STRN3: variants seen among roughly 807,000 people sequenced by gnomAD.
STRN3 encodes the protein striatin 3.
In STRN3, 29 loss-of-function variants were observed where a neutral mutation model predicts 95.6. The observed-to-expected ratio is 0.30, with a 90% confidence interval of 0.23 to 0.41. The LOEUF (loss-of-function observed/expected upper bound fraction) is 0.41. Ranked by LOEUF, STRN3 falls within the 10% of genes least tolerant of loss-of-function variation. STRN3 has a pLI of 1.00. For missense variants in STRN3, 890 were observed against 972.1 expected (o/e 0.92, Z 1.12); for synonymous variants, 331 against 357.6 (o/e 0.93, Z 0.84).
In STRN3 at chr14:31,001,567, A is replaced by G. The variant is rs147189105; in HGVS notation, c.282+24337T>C. ...AAAAAAAAAAAACTGAATGCCCTGA[A>G]TTCACATTTTGAGAAAAGCACCACA... On this transcript the variant is annotated intron_variant, in intron 1 of 17. Coordinates refer to ENST00000357479, the MANE Select transcript of STRN3 (RefSeq NM_001083893.2). 9.9e-5 allele frequency among the ~76,000 whole-genome samples: 15 copies of G among 152,132 alleles called. No homozygotes were observed. The East Asian group carries it at 2.7e-3, about 27-fold the overall frequency.
chr14:30,956,315 A>T, intron 1 of STRN3, 73 bp from the exon 2 acceptor site: 1 of 1,381,182 alleles, frequency 7.2e-7, no homozygotes, highest in East Asian at 2.3e-5. Flanking sequence ...ATGGAAAACG[A>T]TAAACACAAA....
intron 1 of STRN3, among the ~76,000 whole-genome samples, chr14:30,991,264 C>A (rs1881940598): frequency 6.6e-6 from 1 of 152,140 alleles, no homozygotes; most frequent in Non-Finnish European, 1.5e-5. Flanking sequence ...AACTTATGTT[C>A]AACTCTGTAT....
rs555726031 is a variant in STRN3, at chr14:30,914,765, T to C, written c.1241-1108A>G. ...TTGACCACAGAGCTTTAATTTCTGA[T>C]CAGATTTGCCATTTCAATTTCAAAC... On this transcript the variant is annotated intron_variant, in intron 9 of 17. Coordinates refer to ENST00000357479, the MANE Select transcript of STRN3 (RefSeq NM_001083893.2). Among the ~76,000 whole-genome samples, 22 of 152,386 alleles carry C rather than the reference T, an allele frequency of 1.4e-4. No homozygotes were observed. The South Asian group carries it at 3.5e-3, about 24-fold the overall frequency.
At chr14:30,982,195 A>G (rs1344167324) in intron 1 of STRN3, among the ~76,000 whole-genome samples, 1 of 152,056 alleles carries the variant, frequency 6.6e-6, no homozygotes, top group African/African-American at 2.4e-5. Context: ...TCTTCTACTT[A>G]TAATAGATCC....
chr14:30,951,015 A>C, intron 3 of STRN3, 71 bp from the exon 4 acceptor site: 1 of 1,331,088 alleles, frequency 7.5e-7, no homozygotes, highest in East Asian at 2.3e-5. Context: ...AAGTTTTCTT[A>C]GGGATAAATT....
At position 30,895,513 on chromosome 14, in the gene STRN3, G is replaced by C; in HGVS notation, c.2292C>G (p.His764Gln). ...AAATTGATTCATCCAATTTCTTTCT[G>C]TGAGCTGTTATTTCTTGCACACATG... ...SKTCVQEITAHRKKLDESIYD... is the reference protein window; with the variant it reads ...SKTCVQEITAQRKKLDESIYD... Residue 764 changes from histidine to glutamine, a missense_variant, in exon 18 of 18, where the codon CAC becomes CAG. Physicochemically the swap from His to Gln is conservative, Grantham distance 24. Transcript: ENST00000357479. 6.2e-7 allele frequency: 1 copy of C among 1,614,072 alleles called. No homozygotes were observed. The highest frequency in any genetic ancestry group is 8.5e-7 in the Non-Finnish European group (1 of 1,180,006).
At chr14:30,929,409 G>T in intron 7 of STRN3, 98 bp from the exon 8 acceptor site, 1 of 914,410 alleles carries the variant, frequency 1.1e-6, no homozygotes, top group Non-Finnish European at 1.7e-6. Context: ...ATAATAAAAT[G>T]TACTAATAGC....
At chr14:30,973,224 G>T (rs1474280782) in intron 1 of STRN3, among the ~76,000 whole-genome samples, 1 of 151,370 alleles carries the variant, frequency 6.6e-6, no homozygotes, top group Non-Finnish European at 1.5e-5. Context: ...AGCCAGTAGA[G>T]GCAAATAAAG....
chr14:30,957,468 A>AGAG (rs1555320672), intron 1 of STRN3, among the ~76,000 whole-genome samples: 1,598 of 139,042 alleles, frequency 0.011, 22 homozygotes, highest in African/African-American at 0.032. Flanking sequence ...AAAAAAAAAA[A>AGAG]AGAGAGAGAG....
At chr14:31,012,349 T>G (rs1218585310) in intron 1 of STRN3, among the ~76,000 whole-genome samples, 1 of 152,194 alleles carries the variant, frequency 6.6e-6, no homozygotes, top group Non-Finnish European at 1.5e-5. Flanking sequence ...AGTTCAGATT[T>G]AAATGCAAGC....
Position 30,949,467 on chromosome 14 carries a change from C to T in STRN3, c.542+1396G>A, listed in dbSNP as rs1345027131. Among the ~76,000 whole-genome samples the T allele has an allele frequency of 4.6e-5, 7 of 152,048 alleles. No individual in the cohort carries two copies. In the East Asian group the frequency reaches 5.8e-4, roughly 13 times the overall value. The stretch of plus-strand genomic sequence containing the variant: ...TTCTACTAAAAATACAAAAACTAGC[C>T]GGGCATGGTGGCATGCACCTGTAGT... On this transcript the variant is annotated intron_variant, in intron 4 of 17. Coordinates refer to ENST00000357479, the MANE Select transcript of STRN3 (RefSeq NM_001083893.2).
At chr14:30,970,249 T>A (rs1880756835) in intron 1 of STRN3, among the ~76,000 whole-genome samples, 1 of 152,120 alleles carries the variant, frequency 6.6e-6, no homozygotes, top group African/African-American at 2.4e-5. Flanking sequence ...CTCCTCAGAA[T>A]GGGCATTAGT....
At chr14:30,969,268 T>C (rs1198417152) in intron 1 of STRN3, among the ~76,000 whole-genome samples, 5 of 152,202 alleles carry the variant, frequency 3.3e-5, no homozygotes, top group Middle Eastern at 3.4e-3. Context: ...ACACCATCTC[T>C]ACTAAAAATA....
intron 1 of STRN3, among the ~76,000 whole-genome samples, chr14:30,996,238 T>C (rs1259702687): frequency 2.0e-5 from 3 of 151,750 alleles, no homozygotes; most frequent in Non-Finnish European, 4.4e-5. Flanking sequence ...AGCACTGGAG[T>C]TGGGTCACCG....
At chr14:30,933,241 G>A (rs868188541) in intron 7 of STRN3, among the ~76,000 whole-genome samples, 7 of 127,610 alleles carry the variant, frequency 5.5e-5, no homozygotes, top group Admixed American at 2.9e-4. Flanking sequence ...ATTGCACCAC[G>A]GCACCCCAGC....
At chr14:30,953,951 A>G (rs577270885) in intron 3 of STRN3, among the ~76,000 whole-genome samples, 4 of 152,210 alleles carry the variant, frequency 2.6e-5, no homozygotes, top group East Asian at 1.9e-4. Context: ...ATCCTCTTTA[A>G]TAATAGTCAT....
At chr14:30,993,412 T>C (rs376289521) in intron 1 of STRN3, among the ~76,000 whole-genome samples, 32 of 152,252 alleles carry the variant, frequency 2.1e-4, no homozygotes, top group African/African-American at 7.2e-4. Context: ...AATGTGAACA[T>C]ACAAAACAAA....
intron 16 of STRN3, among the ~76,000 whole-genome samples, chr14:30,900,966 TG>T (rs2138949195): frequency 6.6e-6 from 1 of 152,342 alleles, no homozygotes; most frequent in South Asian, 2.1e-4. Context: ...GCTCACCTTT[TG>T]CTTTTAATAT....
intron 3 of STRN3, 142 bp downstream of exon 3, chr14:30,955,478 T>C (rs1461268488): frequency 4.7e-6 from 3 of 631,644 alleles, no homozygotes; most frequent in Non-Finnish European, 5.2e-6. Flanking sequence ...CTTTTATTCA[T>C]TTAATATTTT....
Sources: gnomAD v4.1 joint callset for allele counts (sites outside exome capture counted in the v4.1 genomes callset) on GRCh38, gnomAD v4.1.1 for gene constraint, MANE v1.5 for transcripts, NCBI Gene and HGNC (gene_info 2026-07-23, HGNC 2026-07-21) for gene names.